MYO9A: variants seen among roughly 807,000 people sequenced by gnomAD.
MYO9A encodes unconventional myosin-IXa.
In MYO9A, 103 loss-of-function variants were observed where a neutral mutation model predicts 293.3. That is an observed-to-expected ratio of 0.35 (90% CI 0.30 to 0.41). The LOEUF (loss-of-function observed/expected upper bound fraction) is 0.41, where lower values mean the gene tolerates loss of function less well. Among genes scored for constraint, MYO9A ranks in the 10% least tolerant of loss-of-function variants. MYO9A has a pLI of 1.00. For missense variants in MYO9A, 2,685 were observed against 3,033.0 expected (o/e 0.89, Z 2.69); for synonymous variants, 1,001 against 1,035.7 (o/e 0.97, Z 0.64).
At position 71,902,906 on chromosome 15, in the gene MYO9A, T is replaced by G. The variant is rs532037294; in HGVS notation, c.3000+35A>C. 8 of 1,425,674 alleles carry G rather than the reference T, an allele frequency of 5.6e-6. No homozygotes were observed. The East Asian group carries it at 1.8e-4, about 32-fold the overall frequency. The allele number at this position is 1,425,674 out of a possible 1,614,324, so 88.3% of individuals were successfully genotyped here. A position where few individuals can be genotyped will look rare whatever the true frequency, so the allele number is the denominator to read the frequency against. ...ATTATTATTTTTTAAATAAATGCACTCAATTTTGACCAGAGCTATACAGAT... is the reference window on the plus strand; with the variant it reads ...ATTATTATTTTTTAAATAAATGCACGCAATTTTGACCAGAGCTATACAGAT... On this transcript the variant is annotated intron_variant, in intron 22 of 41. Transcript: ENST00000356056.
intron 14 of MYO9A, among the ~76,000 whole-genome samples, chr15:71,953,904 TTTTG>T (rs1270505928): frequency 1.3e-5 from 2 of 152,004 alleles, no homozygotes; most frequent in East Asian, 3.9e-4. Context: ...TTTTGTTTTG[TTTTG>T]TTTTTTGAGA....
intron 25 of MYO9A, among the ~76,000 whole-genome samples, chr15:71,895,918 CATAA>C (rs1056052456): frequency 4.7e-5 from 7 of 149,486 alleles, no homozygotes; most frequent in African/African-American, 1.7e-4. Flanking sequence ...CATACACACA[CATAA>C]ATGTCATAAT....
chr15:71,854,666 A>T, intron 34 of MYO9A, 97 bp from the exon 35 acceptor site: 2 of 942,484 alleles, frequency 2.1e-6, no homozygotes, highest in Non-Finnish European at 3.1e-6. Context: ...TATTTCTCTG[A>T]AGTTTTATGA....
At chr15:72,103,162 C>T (rs2080420590) in intron 1 of MYO9A, among the ~76,000 whole-genome samples, 1 of 148,660 alleles carries the variant, frequency 6.7e-6, no homozygotes, top group African/African-American at 2.5e-5. Context: ...CGCCACTGCA[C>T]TCCAGCCTGG....
intron 38 of MYO9A, 72 bp downstream of exon 38, chr15:71,849,964 G>GAACCCATTC: frequency 3.7e-6 from 4 of 1,074,390 alleles, no homozygotes; most frequent in Non-Finnish European, 5.2e-6. Flanking sequence ...CACTATGTTT[G>GAACCCATTC]ATATCTGGAT....
At chr15:71,839,607 G>A (rs1206167746) in intron 39 of MYO9A, among the ~76,000 whole-genome samples, 3 of 151,984 alleles carry the variant, frequency 2.0e-5, no homozygotes, top group Admixed American at 6.6e-5. Flanking sequence ...ATGATATCTC[G>A]CATTGTTGCC....
chr15:72,049,183 A>G (rs1810676640), intron 1 of MYO9A, among the ~76,000 whole-genome samples: 1 of 152,174 alleles, frequency 6.6e-6, no homozygotes, highest in South Asian at 2.1e-4. Flanking sequence ...CATGTTTACT[A>G]CTTTTTTAAG....
chr15:71,874,986 C>T (rs2056636702), intron 32 of MYO9A, among the ~76,000 whole-genome samples: 1 of 152,186 alleles, frequency 6.6e-6, no homozygotes, highest in South Asian at 2.1e-4. Flanking sequence ...TGTATTATTC[C>T]TACTATAATA....
At chr15:72,012,976 G>A (rs1413394495) in intron 6 of MYO9A, among the ~76,000 whole-genome samples, 1 of 152,122 alleles carries the variant, frequency 6.6e-6, no homozygotes, top group East Asian at 1.9e-4. Context: ...AAAAAAATGT[G>A]TATTAATTTC....
intron 3 of MYO9A, among the ~76,000 whole-genome samples, chr15:72,029,812 T>A (rs1457112824): frequency 2.0e-5 from 3 of 152,102 alleles, no homozygotes; most frequent in Non-Finnish European, 4.4e-5. Context: ...TGGAAAGGGG[T>A]TCTAGAATCT....
At position 71,897,873 on chromosome 15, in the gene MYO9A, C is replaced by T. The variant is rs759754886; in HGVS notation, c.4630G>A (p.Ala1544Thr). Residue 1544 changes from alanine to threonine, a missense_variant, in exon 25 of 42, where the codon GCA (alanine) becomes ACA (threonine). Ala to Thr is a moderately conservative substitution (Grantham distance 58). This residue lies in a region of MYO9A where 1,434 missense variants were observed against 1,497.7 expected (regional missense o/e 0.96). Transcript: ENST00000356056. ...EKPRIGECLV[A>T]PSSYQSKQRV... is the part of the protein sequence containing the mutation. ...TGCTTTGACTGATAGGAAGATGGTG[C>T]CACCAAACACTCTCCAATTCTTGGC... The T allele has an allele frequency of 3.1e-6, 5 of 1,613,992 alleles. No homozygotes were observed. In the African/African-American group the frequency reaches 6.7e-5, roughly 22 times the overall value.
chr15:72,070,630 C>T (rs999351189), intron 1 of MYO9A, among the ~76,000 whole-genome samples: 1 of 151,900 alleles, frequency 6.6e-6, no homozygotes, highest in Admixed American at 6.6e-5. Context: ...GTGGAGGCTG[C>T]GGTGAACCAA....
intron 1 of MYO9A, among the ~76,000 whole-genome samples, chr15:72,046,948 A>G (rs2078403636): frequency 6.6e-6 from 1 of 152,236 alleles, no homozygotes; most frequent in Admixed American, 6.5e-5. Context: ...ACTTGGGATT[A>G]GAACCAAGTT....
At chr15:72,060,971 A>G (rs552421747) in intron 1 of MYO9A, among the ~76,000 whole-genome samples, 2 of 152,158 alleles carry the variant, frequency 1.3e-5, no homozygotes, top group Non-Finnish European at 2.9e-5. Flanking sequence ...TTGTCTTACA[A>G]CTTGGATATC....
chr15:72,091,977 A>T (rs2079928245), intron 1 of MYO9A, among the ~76,000 whole-genome samples: 1 of 152,156 alleles, frequency 6.6e-6, no homozygotes, highest in East Asian at 1.9e-4. Context: ...TGGCCTCCCA[A>T]AGTGCTGGGA....
intron 8 of MYO9A, among the ~76,000 whole-genome samples, chr15:72,007,183 C>T (rs2077040914): frequency 6.6e-6 from 1 of 152,032 alleles, no homozygotes; most frequent in African/African-American, 2.4e-5. Flanking sequence ...TATTTCCTTG[C>T]TATGCCAGAC....
rs183192423 is a variant in MYO9A, at chr15:71,841,047, T to A, written c.6837+7798A>T. On this transcript the variant is annotated intron_variant, in intron 39 of 41. Transcript: ENST00000356056. ...TATACAAATGGGCATTTTTCTTCCA[T>A]CATATCATCCAAGTGATTGTTTGCA... Among the ~76,000 whole-genome samples the A allele has an allele frequency of 2.2e-3, 329 of 152,356 alleles. 2 individuals carry two copies. Among genetic ancestry groups the A allele is most frequent in the Non-Finnish European group, 4.1e-3 (279 of 68,030 alleles).
intron 2 of MYO9A, chr15:72,040,090 C>A (rs2078180304): frequency 6.5e-6 from 1 of 153,464 alleles, no homozygotes; most frequent in African/African-American, 2.4e-5. Context: ...TATGTCAGAA[C>A]ATAGCCCTGC....
intron 32 of MYO9A, among the ~76,000 whole-genome samples, chr15:71,871,640 T>C (rs564437790): frequency 2.0e-5 from 3 of 148,554 alleles, no homozygotes; most frequent in Admixed American, 6.8e-5. Context: ...GCCGTGATCA[T>C]GCCACTGCAC....
Sources: allele counts gnomAD v4.1 joint callset (sites outside exome capture counted in the v4.1 genomes callset), GRCh38; gene constraint gnomAD v4.1.1; regional missense constraint gnomAD v4.1.1; transcripts MANE v1.5; gene names NCBI Gene and HGNC (gene_info 2026-07-23, HGNC 2026-07-21).